NUP205: variants seen among roughly 807,000 people sequenced by gnomAD.
NUP205 encodes the protein nucleoporin 205.
A neutral mutation model predicts 253.8 loss-of-function variants in NUP205; 76 were observed. The ratio of observed to expected loss-of-function variants is 0.30; its 90% CI spans 0.25 to 0.36. The LOEUF (loss-of-function observed/expected upper bound fraction) is 0.36. NUP205 is among the 10% of genes least tolerant of loss of function. The probability of loss-of-function intolerance (pLI) is 1.00; values close to 1 mark genes in which losing one functional copy is unlikely to be tolerated. For missense variants in NUP205, 2,162 were observed against 2,425.5 expected, an observed-to-expected ratio of 0.89 and a Z score of 2.28; for synonymous variants, 832 against 850.1, an observed-to-expected ratio of 0.98 and a Z score of 0.37.
At position 135,617,499 on chromosome 7, in the gene NUP205, T is replaced by C. The variant is rs986260149; in HGVS notation, c.3691-103T>C. ...TCCTGTTAGATTATATATAAAGGTA[T>C]CTGACACCTTTCCCTTTAGGGCAGT... On this transcript the variant is annotated intron_variant, in intron 26 of 42. Transcript: ENST00000285968. 28 of 833,150 alleles carry C rather than the reference T, an allele frequency of 3.4e-5. No homozygotes were observed. In the East Asian group the frequency reaches 4.3e-4, roughly 13 times the overall value. The allele number at this position is 833,150 out of a possible 1,614,324, so 51.6% of individuals were successfully genotyped here.
At chr7:135,581,671 G>A (rs1420567774) in intron 7 of NUP205, among the ~76,000 whole-genome samples, 1 of 152,060 alleles carries the variant, frequency 6.6e-6, no homozygotes, top group Non-Finnish European at 1.5e-5. Context: ...GGCGAACGTG[G>A]TAAAAGCCCA....
At chr7:135,620,032 G>T (rs1794444405) in intron 30 of NUP205, 144 bp downstream of exon 30, 1 of 631,998 alleles carries the variant, frequency 1.6e-6, no homozygotes, top group South Asian at 2.0e-5. Context: ...TTACTCAAAA[G>T]TTGAGGAAGA....
chr7:135,559,730 C>T (rs1254916075), intron 1 of NUP205, among the ~76,000 whole-genome samples: 3 of 149,884 alleles, frequency 2.0e-5, no homozygotes, highest in Non-Finnish European at 4.4e-5. Flanking sequence ...TCATCCTGTC[C>T]ACCCAGGCTG....
At chr7:135,627,457 G>T (rs1050794492) in intron 33 of NUP205, among the ~76,000 whole-genome samples, 4 of 152,166 alleles carry the variant, frequency 2.6e-5, no homozygotes, top group Non-Finnish European at 4.4e-5. Context: ...TGGATTTTCA[G>T]ATTAGAGGTG....
rs796884319 is a variant in NUP205, at chr7:135,606,312, GTTTTAGTGA to G, written c.2905+88_2905+96del. ...AAGAAAACACTTGTAATTGTTAACT[GTTTTAGTGA>G]TGGTGTAAGAGGAATTGAGAATTTG... On this transcript the variant is annotated intron_variant, in intron 20 of 42. Transcript: ENST00000285968. The G allele has an allele frequency of 3.4e-6, 3 of 895,320 alleles. No homozygotes were observed. In the African/African-American group the frequency reaches 5.0e-5, roughly 15 times the overall value. 55.5% of individuals were successfully genotyped at this position (895,320 alleles called of 1,614,324 possible).
chr7:135,603,836 A>G (rs1193722263), intron 18 of NUP205, among the ~76,000 whole-genome samples: 4 of 152,110 alleles, frequency 2.6e-5, no homozygotes, highest in Non-Finnish European at 4.4e-5. Context: ...AAATGACAAT[A>G]TTGTCTGTCT....
At chr7:135,631,109 AACAGAGACAT>A (rs1318482778) in intron 35 of NUP205, among the ~76,000 whole-genome samples, 1 of 152,152 alleles carries the variant, frequency 6.6e-6, no homozygotes, top group Non-Finnish European at 1.5e-5. Context: ...GAAAGAAAGC[AACAGAGACAT>A]ACAGAGGCAA....
Position 135,604,425 on chromosome 7 carries a change from C to A in NUP205, c.2788C>A (p.Gln930Lys). 2 of 1,609,362 alleles carry A rather than the reference C, an allele frequency of 1.2e-6. No individual in the cohort carries two copies. Among genetic ancestry groups the A allele is most frequent in the South Asian group, 2.2e-5 (2 of 89,514 alleles). Residue 930 changes from glutamine to lysine, a missense_variant, in exon 19 of 43, where the codon CAG becomes AAG. Around this residue, in one of 5 missense-constraint regions of NUP205, gnomAD observed 892 missense variants for 957.1 expected, o/e 0.93. Transcript: ENST00000285968. ...TTGTATCTCTTGCAACTCTAATATT[C>A]AGATAAAGTTGGTTGGAGATTTCAC... Reference protein sequence around the residue: ...LCCISCNSNIQIKLVGDFTHD... With the variant: ...LCCISCNSNIKIKLVGDFTHD...
intron 1 of NUP205, among the ~76,000 whole-genome samples, chr7:135,570,048 TATATAGAGAGAG>T (rs1251192277): frequency 0.047 from 4,707 of 99,254 alleles, 88 homozygotes; most frequent in Non-Finnish European, 0.075. Context: ...TATATATATA[TATATAGAGAGAG>T]AGAGAGAGAG....
intron 35 of NUP205, among the ~76,000 whole-genome samples, chr7:135,631,083 G>C (rs986360395): frequency 6.6e-6 from 1 of 150,874 alleles, no homozygotes; most frequent in African/African-American, 2.4e-5. Flanking sequence ...ATATGAGAAA[G>C]GGAGGGGGAG....
At chr7:135,601,026 A>G in intron 16 of NUP205, 57 bp downstream of exon 16, 4 of 891,078 alleles carry the variant, frequency 4.5e-6, no homozygotes, top group Non-Finnish European at 7.1e-6. Flanking sequence ...TTTATAAATT[A>G]TGGCTATGTT....
At chr7:135,607,506 T>C in intron 22 of NUP205, 135 bp downstream of exon 22, 1 of 973,912 alleles carries the variant, frequency 1.0e-6, no homozygotes, top group South Asian at 1.9e-5. Context: ...CTGTCTTTCA[T>C]TTGTGGATAA....
At chr7:135,633,453 T>C (rs1794753017) in intron 35 of NUP205, among the ~76,000 whole-genome samples, 3 of 152,240 alleles carry the variant, frequency 2.0e-5, no homozygotes, top group Admixed American at 2.0e-4. Context: ...ACATGTTGAC[T>C]GTTTCCAAGC....
At position 135,557,969 on chromosome 7, in the gene NUP205, T is replaced by A; in HGVS notation, c.25T>A (p.Ser9Thr). The A allele has an allele frequency of 1.9e-6, 3 of 1,613,478 alleles. No homozygotes were observed. The Admixed American group carries it at 5.0e-5, about 27-fold the overall frequency. Residue 9 changes from serine to threonine, a missense_variant, in exon 1 of 43, where the codon TCG (serine) becomes ACG (threonine). Physicochemically the swap from Ser to Thr is moderately conservative, Grantham distance 58. This residue lies in a region of NUP205 where 109 missense variants were observed against 131.8 expected (regional missense o/e 0.83). Coordinates refer to ENST00000285968, the MANE Select transcript of NUP205 (RefSeq NM_015135.3). ...GATGGCGACGCCTTTGGCGGTAAAT[T>A]CGGGTAAGTGTGGCCAGACAGAAAG... MATPLAVN[S>T]AASLWGPYKD...
In NUP205 at chr7:135,583,076, C is replaced by T. The variant is rs563000449; in HGVS notation, c.1043-1756C>T. On this transcript the variant is annotated intron_variant, in intron 7 of 42. Coordinates refer to ENST00000285968, the MANE Select transcript of NUP205 (RefSeq NM_015135.3). Reference sequence around the variant, plus strand: ...CTGCACTCCAGTCTCGGCGACAGAGCGAGACTCCATCTCGAAATAAATAAT... The same window carrying T: ...CTGCACTCCAGTCTCGGCGACAGAGTGAGACTCCATCTCGAAATAAATAAT... 3.3e-5 allele frequency among the ~76,000 whole-genome samples: 5 copies of T among 152,072 alleles called. No homozygotes were observed. In the East Asian group the frequency reaches 5.8e-4, roughly 18 times the overall value.
chr7:135,573,271 G>A (rs1464291782), intron 2 of NUP205, among the ~76,000 whole-genome samples: 15 of 152,150 alleles, frequency 9.9e-5, no homozygotes, highest in African/African-American at 3.6e-4. Flanking sequence ...TTAATAAACT[G>A]TTACTTGCTC....
intron 35 of NUP205, among the ~76,000 whole-genome samples, chr7:135,633,844 T>C (rs921520804): frequency 6.6e-6 from 1 of 152,220 alleles, no homozygotes; most frequent in Non-Finnish European, 1.5e-5. Context: ...ATACCAAATA[T>C]CCTCCCAAGC....
Position 135,592,968 on chromosome 7 carries a change from G to T in NUP205, c.1625-19G>T, listed in dbSNP as rs75910356. 0.036 allele frequency: 54,714 copies of T among 1,528,930 alleles called. 1,141 individuals are homozygous for T. The highest frequency in any genetic ancestry group is 0.076 in the Middle Eastern group (446 of 5,852). 94.7% of individuals were successfully genotyped at this position (1,528,930 alleles called of 1,614,324 possible). On this transcript the variant is annotated intron_variant, in intron 11 of 42. Transcript: ENST00000285968. ...TTAGATGTTTTTTAAATAAAATTCTGTGCTGTTTTTCTTTATAGTTGAAAA... is the reference window on the plus strand; with the variant it reads ...TTAGATGTTTTTTAAATAAAATTCTTTGCTGTTTTTCTTTATAGTTGAAAA...
intron 13 of NUP205, 40 bp from the exon 14 acceptor site, chr7:135,597,328 A>G (rs1324208306): frequency 1.3e-6 from 2 of 1,482,270 alleles, no homozygotes; most frequent in South Asian, 2.3e-5. Flanking sequence ...TCATTGATGA[A>G]TGAGGAATGC....
Sources: allele counts gnomAD v4.1 joint callset (sites outside exome capture counted in the v4.1 genomes callset), GRCh38; gene constraint gnomAD v4.1.1; regional missense constraint gnomAD v4.1.1; transcripts MANE v1.5; gene names NCBI Gene and HGNC (gene_info 2026-07-23, HGNC 2026-07-21).